The following IQSEC1 variants were observed in gnomAD, a reference collection of about 807,000 sequenced individuals.
IQSEC1 encodes the protein IQ motif and Sec7 domain ArfGEF 1.
A neutral mutation model predicts 91.0 loss-of-function variants in IQSEC1; 31 were observed. That is an observed-to-expected ratio of 0.34 (90% CI 0.26 to 0.46). The LOEUF is 0.46. Among genes scored for constraint, IQSEC1 ranks in the 20% least tolerant of loss-of-function variants. The pLI is 1.00. For synonymous variants in IQSEC1, 699 were observed against 662.6 expected (o/e 1.05, Z -0.84); for missense variants, 1,388 against 1,575.6 (o/e 0.88, Z 2.02).
chr3:12,902,878 G>GCACCC, intron 12 of IQSEC1, 56 bp from the exon 13 acceptor site: 2 of 1,334,054 alleles, frequency 1.5e-6, no homozygotes, highest in Non-Finnish European at 2.2e-6. Context: ...TGGGGGTGCT[G>GCACCC]CCTGCCTGGT....
At chr3:12,975,826 C>T (rs1207506935) in intron 1 of IQSEC1, among the ~76,000 whole-genome samples, 1 of 152,206 alleles carries the variant, frequency 6.6e-6, no homozygotes, top group Admixed American at 6.5e-5. Context: ...GACTGAGTCC[C>T]AAGTTCATTC....
chr3:13,089,784 A>G (rs956528297), intron 2 of IQSEC1, among the ~76,000 whole-genome samples: 1 of 152,222 alleles, frequency 6.6e-6, no homozygotes, highest in Non-Finnish European at 1.5e-5. Context: ...GAGGAGGCCT[A>G]GGGAGTATGT....
At chr3:13,138,970 G>A (rs568997615) in intron 2 of IQSEC1, among the ~76,000 whole-genome samples, 8 of 152,182 alleles carry the variant, frequency 5.3e-5, no homozygotes, top group Non-Finnish European at 7.4e-5. Flanking sequence ...CTGGGGCCAG[G>A]CTCTGAGGCT....
At chr3:12,981,910 C>T (rs1701482035) in intron 1 of IQSEC1, among the ~76,000 whole-genome samples, 1 of 152,248 alleles carries the variant, frequency 6.6e-6, no homozygotes, top group Admixed American at 6.5e-5. Context: ...CCACAAGGGG[C>T]CACTGCTGCC....
At position 13,053,055 on chromosome 3, in the gene IQSEC1, A is replaced by C. The variant is rs890928555; in HGVS notation, c.23+19937T>G. The stretch of plus-strand genomic sequence containing the variant: ...AGTTTTCATCCGAATCCACGGGGGA[A>C]TGGGACGATTTTGCTTTATTTTCTT... On this transcript the variant is annotated intron_variant, in intron 1 of 13. Coordinates refer to ENST00000613206, the MANE Select transcript of IQSEC1 (RefSeq NM_001134382.3). 5 of 1,088,646 alleles carry C rather than the reference A, an allele frequency of 4.6e-6. No homozygotes were observed. In the African/African-American group the frequency reaches 7.7e-5, roughly 17 times the overall value. 67.4% of individuals were successfully genotyped at this position (1,088,646 alleles called of 1,614,324 possible).
chr3:13,127,159 T>C (rs937682513), intron 2 of IQSEC1, among the ~76,000 whole-genome samples: 4 of 152,198 alleles, frequency 2.6e-5, no homozygotes, highest in Admixed American at 2.6e-4. Flanking sequence ...ACGCCTGTAA[T>C]CCCAGCATTT....
At chr3:12,956,078 C>G (rs1699886805) in intron 1 of IQSEC1, among the ~76,000 whole-genome samples, 1 of 152,156 alleles carries the variant, frequency 6.6e-6, no homozygotes, top group African/African-American at 2.4e-5. Flanking sequence ...GTCCATATTC[C>G]CACTTGATAA....
intron 2 of IQSEC1, among the ~76,000 whole-genome samples, chr3:13,099,503 C>G (rs1390155054): frequency 6.6e-6 from 1 of 152,144 alleles, no homozygotes; most frequent in Non-Finnish European, 1.5e-5. Flanking sequence ...CTGGGTGTCC[C>G]CGGGTGCATC....
At chr3:13,104,546 G>A (rs185459156) in intron 2 of IQSEC1, among the ~76,000 whole-genome samples, 72 of 152,214 alleles carry the variant, frequency 4.7e-4, no homozygotes, top group Admixed American at 3.0e-3. Context: ...CCCAGCACTC[G>A]GAACAGGGAC....
intron 1 of IQSEC1, among the ~76,000 whole-genome samples, chr3:13,014,998 C>T (rs1037607985): frequency 6.6e-6 from 1 of 152,170 alleles, no homozygotes; most frequent in Non-Finnish European, 1.5e-5. Context: ...CTGGGGAAGC[C>T]TTGTGTTCCC....
chr3:12,903,088 ACTC>A lies in IQSEC1; in HGVS notation c.2756-269_2756-267del, dbSNP rs561586215. The stretch of plus-strand genomic sequence containing the variant: ...TTTTTTAAACCAGCCCCAATTTTGT[ACTC>A]CTCCTGGACCAGGAGTCTGTTGAGA... On this transcript the variant is annotated intron_variant, in intron 12 of 13. Coordinates refer to ENST00000613206, the MANE Select transcript of IQSEC1 (RefSeq NM_001134382.3). Among the ~76,000 whole-genome samples the A allele has an allele frequency of 9.2e-4, 140 of 152,042 alleles. 1 individual carries two copies. Among genetic ancestry groups the A allele is most frequent in the Middle Eastern group, 3.2e-3 (1 of 316 alleles).
intron 1 of IQSEC1, among the ~76,000 whole-genome samples, chr3:13,034,671 G>A (rs565665815): frequency 3.3e-5 from 5 of 152,270 alleles, no homozygotes; most frequent in Admixed American, 2.0e-4. Context: ...TAAACCAGCC[G>A]GATTCAGCTC....
chr3:13,157,751 T>C (rs1227248001), intron 2 of IQSEC1, among the ~76,000 whole-genome samples: 1 of 152,178 alleles, frequency 6.6e-6, no homozygotes, highest in Non-Finnish European at 1.5e-5. Context: ...TCCCTCAGGA[T>C]TCTGAGCAGC....
rs1429910522 is a variant in IQSEC1, at chr3:13,072,986, A to G, written c.23+6T>C. On this transcript the variant is annotated splice_donor_region_variant and intron_variant, in intron 1 of 13. Transcript: ENST00000613206. ...CTTCAGGCAGAAACCTGCCACATAT[A>G]CTCACAAATAGCGTCTTCTGCAAGC... 1.3e-6 allele frequency: 2 copies of G among 1,551,258 alleles called. No individual in the cohort carries two copies. The highest frequency in any genetic ancestry group is 3.9e-5 in the Admixed American group (2 of 50,994).
intron 1 of IQSEC1, among the ~76,000 whole-genome samples, chr3:12,950,402 T>C (rs1376763584): frequency 1.3e-5 from 2 of 152,200 alleles, no homozygotes; most frequent in Non-Finnish European, 2.9e-5. Flanking sequence ...CTGTGGTGGC[T>C]CACGCCTGCA....
chr3:13,033,361 C>A (rs757260766), intron 1 of IQSEC1, among the ~76,000 whole-genome samples: 26 of 152,138 alleles, frequency 1.7e-4, no homozygotes, highest in Admixed American at 3.9e-4. Flanking sequence ...AAATGAGTTT[C>A]CTCACAGTTC....
Position 12,899,459 on chromosome 3 carries a change from C to G in IQSEC1, c.*1524G>C. Reference sequence around the variant, plus strand: ...ACTACAAAGTATGGCCCGTGGGTGACTCGGGCACAGACCTGCCGCGTGCAG... The same window carrying G: ...ACTACAAAGTATGGCCCGTGGGTGAGTCGGGCACAGACCTGCCGCGTGCAG... On this transcript the variant is annotated 3_prime_UTR_variant, in exon 14 of 14. Coordinates refer to ENST00000613206, the MANE Select transcript of IQSEC1 (RefSeq NM_001134382.3). The G allele has an allele frequency of 6.2e-7, 1 of 1,604,896 alleles. No homozygotes were observed. The highest frequency in any genetic ancestry group is 8.5e-7 in the Non-Finnish European group (1 of 1,176,332).
chr3:13,175,186 GGTACCAGCTGTGTGCCGA>G (rs945050872), intron 1 of IQSEC1, among the ~76,000 whole-genome samples: 1 of 152,160 alleles, frequency 6.6e-6, no homozygotes, highest in Non-Finnish European at 1.5e-5. Context: ...GTGATGGCAA[GGTACCAGCTGTGTGCCGA>G]GTACCAGCTG....
intron 1 of IQSEC1, among the ~76,000 whole-genome samples, chr3:13,218,392 A>T (rs1054420479): frequency 3.3e-5 from 5 of 152,210 alleles, no homozygotes; most frequent in Non-Finnish European, 1.5e-5. Context: ...GTGTGCATGA[A>T]TGAGCTGGCT....
Sources: gnomAD v4.1 joint callset for allele counts (sites outside exome capture counted in the v4.1 genomes callset) on GRCh38, gnomAD v4.1.1 for gene constraint, MANE v1.5 for transcripts, NCBI Gene and HGNC (gene_info 2026-07-23, HGNC 2026-07-21) for gene names.